The following ST3GAL4 variants were observed in gnomAD, a reference collection of about 807,000 sequenced individuals.
ST3GAL4 encodes CMP-N-acetylneuraminate-beta-galactosamide-alpha-2,3-sialyltransferase 4.
A neutral mutation model predicts 42.6 loss-of-function variants in ST3GAL4; 24 were observed. The observed-to-expected ratio is 0.56, with a 90% CI of 0.41 to 0.79. The LOEUF is 0.79. Ranked by LOEUF, ST3GAL4 falls within the 30% of genes least tolerant of loss-of-function variation. The pLI is 0.00. For missense variants in ST3GAL4, 311 were observed against 430.8 expected (o/e 0.72, Z 2.46); for synonymous variants, 135 against 163.2 (o/e 0.83, Z 1.32).
rs1216917614 is a variant in ST3GAL4 at position 126,378,852 on chromosome 11, T to G, written c.-61+23010T>G. The stretch of plus-strand genomic sequence containing the variant: ...ATGGTTGAGGCTTTCATGGTCATGT[T>G]CAGATTTTATATATGTGTCTCATGT... On this transcript the variant is annotated intron_variant, in intron 1 of 10. Transcript: ENST00000444328. The surrounding 1 kb of genome is among the most constrained non-coding windows in gnomAD (Gnocchi z 5.3). Among the ~76,000 whole-genome samples the G allele has an allele frequency of 6.6e-6, 1 of 152,200 alleles. No individual in the cohort carries two copies. Among genetic ancestry groups the G allele is most frequent in the East Asian group, 1.9e-4 (1 of 5,198 alleles).
At chr11:126,356,058 G>C (rs1952051131) in intron 1 of ST3GAL4, 1 of 152,198 alleles carries the variant, frequency 6.6e-6, no homozygotes, top group East Asian at 1.9e-4. Flanking sequence ...CGGGAAGCCG[G>C]ATCCTCTCCG....
rs1953557643 is a variant in ST3GAL4, at chr11:126,392,509, G to A, written c.-60-13587G>A. 6.6e-6 allele frequency among the ~76,000 whole-genome samples: 1 copy of A among 152,236 alleles called. No individual in the cohort carries two copies. The highest frequency in any genetic ancestry group is 1.5e-5 in the Non-Finnish European group (1 of 68,040). On this transcript the variant is annotated intron_variant, in intron 1 of 10. Coordinates refer to ENST00000444328, the MANE Select transcript of ST3GAL4 (RefSeq NM_001254757.2). This position sits in a 1 kb window ranked among gnomAD's most constrained non-coding sequence, Gnocchi z 5.8. ...AGCTCCCAGTGTGAGCTTCTAGCAA[G>A]CCCCTTGTGCCTTAGATGCCCAGGT...
At chr11:126,364,070 T>C (rs1952345588) in intron 1 of ST3GAL4, among the ~76,000 whole-genome samples, 2 of 152,232 alleles carry the variant, frequency 1.3e-5, no homozygotes, top group Admixed American at 1.3e-4. Context: ...TTGTCCCCCA[T>C]CTCCCAAAAT....
At chr11:126,385,963 G>A (rs565278750) in intron 1 of ST3GAL4, among the ~76,000 whole-genome samples, 8 of 152,088 alleles carry the variant, frequency 5.3e-5, no homozygotes, top group East Asian at 1.9e-4. Context: ...TCTATACCAC[G>A]TGTCCCCGTG....
intron 1 of ST3GAL4, among the ~76,000 whole-genome samples, chr11:126,371,168 T>A (rs1487588023): frequency 4.9e-5 from 5 of 101,322 alleles, no homozygotes; most frequent in Admixed American, 9.9e-5. Flanking sequence ...CATTCCTTTT[T>A]TTTTTTTTTT....
Position 126,406,032 on chromosome 11 carries a change from G to T in ST3GAL4, c.-60-64G>T. ...GAGGGGCAGACAGTGGGTGTGTCCT[G>T]CTCCAGTGTCTAGGCAGGAGAGTTT... On this transcript the variant is annotated intron_variant, in intron 1 of 10. Transcript: ENST00000444328. This position sits in a 1 kb window ranked among gnomAD's most constrained non-coding sequence, Gnocchi z 5.4. The T allele has an allele frequency of 6.5e-7, 1 of 1,534,792 alleles. No homozygotes were observed. Among genetic ancestry groups the T allele is most frequent in the Non-Finnish European group, 8.8e-7 (1 of 1,133,114 alleles).
intron 1 of ST3GAL4, chr11:126,403,522 T>C: frequency 1.1e-6 from 1 of 878,954 alleles, no homozygotes; most frequent in Non-Finnish European, 1.4e-6. Context: ...TCCCTATTCA[T>C]GCCTGGGCCC....
rs1312624325 is a variant in ST3GAL4, at chr11:126,384,466, C to T, written c.-60-21630C>T. Reference sequence around the variant, plus strand: ...ACTGGGTTTGGATAGAGTGTGTCATCTGCAGAGGCAGCACTGTTCTGGAAG... The same window carrying T: ...ACTGGGTTTGGATAGAGTGTGTCATTTGCAGAGGCAGCACTGTTCTGGAAG... On this transcript the variant is annotated intron_variant, in intron 1 of 10. Transcript: ENST00000444328. The surrounding 1 kb of genome is among the most constrained non-coding windows in gnomAD (Gnocchi z 5.5). Among the ~76,000 whole-genome samples, 5 of 152,074 alleles carry T rather than the reference C, an allele frequency of 3.3e-5. No individual in the cohort carries two copies. Among genetic ancestry groups the T allele is most frequent in the Admixed American group, 6.6e-5 (1 of 15,262 alleles).
chr11:126,399,279 A>G (rs931504341), intron 1 of ST3GAL4, among the ~76,000 whole-genome samples: 41 of 145,930 alleles, frequency 2.8e-4, no homozygotes, highest in African/African-American at 9.8e-4. Flanking sequence ...TTTTCATTAT[A>G]AATTTCTTTC....
At chr11:126,404,155 G>C (rs1273585446) in intron 1 of ST3GAL4, among the ~76,000 whole-genome samples, 1 of 152,152 alleles carries the variant, frequency 6.6e-6, no homozygotes, top group African/African-American at 2.4e-5. Flanking sequence ...TAGATGAATC[G>C]CCAGGGTATC....
chr11:126,398,097 A>G lies in ST3GAL4; in HGVS notation c.-60-7999A>G, dbSNP rs1455627559. On this transcript the variant is annotated intron_variant, in intron 1 of 10. Transcript: ENST00000444328. The surrounding 1 kb of genome is among the most constrained non-coding windows in gnomAD (Gnocchi z 4.7). Reference sequence around the variant, plus strand: ...TCTTATTTGTTTCAGCACCACATTAAAAGTCCAAAGTCCACAGTCTCATCT... The same window carrying G: ...TCTTATTTGTTTCAGCACCACATTAGAAGTCCAAAGTCCACAGTCTCATCT... 1.3e-5 allele frequency among the ~76,000 whole-genome samples: 2 copies of G among 152,212 alleles called. No individual in the cohort carries two copies. Among genetic ancestry groups the G allele is most frequent in the East Asian group, 3.9e-4 (2 of 5,188 alleles).
chr11:126,374,454 C>CAAAA (rs869295718), intron 1 of ST3GAL4, among the ~76,000 whole-genome samples: 1 of 63,192 alleles, frequency 1.6e-5, no homozygotes, highest in Non-Finnish European at 3.1e-5. Context: ...ACTTTGTCTC[C>CAAAA]AAAAAAAAAA....
intron 1 of ST3GAL4, among the ~76,000 whole-genome samples, chr11:126,382,430 TG>T (rs1953043024): frequency 6.8e-6 from 1 of 148,094 alleles, no homozygotes; most frequent in Non-Finnish European, 1.5e-5. Context: ...CAGGCTTCCT[TG>T]GGAAGAGCCT....
chr11:126,403,018 C>T (rs1398632346), intron 1 of ST3GAL4, among the ~76,000 whole-genome samples: 2 of 152,216 alleles, frequency 1.3e-5, no homozygotes, highest in African/African-American at 4.8e-5. Context: ...TTGCTCCTGC[C>T]CTTTATGCTC....
chr11:126,361,139 C>T (rs1248886773), intron 1 of ST3GAL4, among the ~76,000 whole-genome samples: 1 of 152,182 alleles, frequency 6.6e-6, no homozygotes, highest in African/African-American at 2.4e-5. Flanking sequence ...AGGTCCTGAC[C>T]TCAGCTCCAA....
chr11:126,404,974 T>G (rs1313953502), intron 1 of ST3GAL4, among the ~76,000 whole-genome samples: 1 of 152,234 alleles, frequency 6.6e-6, no homozygotes, highest in Admixed American at 6.5e-5. Context: ...ATGGAAAGTT[T>G]CCACTGGTGC....
rs1952715989 is a variant in ST3GAL4, at chr11:126,373,096, G to C, written c.-61+17254G>C. 3.3e-5 allele frequency among the ~76,000 whole-genome samples: 5 copies of C among 152,326 alleles called. No homozygotes were observed. The South Asian group carries it at 1.0e-3, about 32-fold the overall frequency. On this transcript the variant is annotated intron_variant, in intron 1 of 10. Transcript: ENST00000444328. This position sits in a 1 kb window ranked among gnomAD's most constrained non-coding sequence, Gnocchi z 5.5. ...TGACTTGTTTAAAGCCTGATGTCTTGAGTACTGTGCACCCCTGTGCCTGGC... is the reference window on the plus strand; with the variant it reads ...TGACTTGTTTAAAGCCTGATGTCTTCAGTACTGTGCACCCCTGTGCCTGGC...
In ST3GAL4 at chr11:126,392,355, G is replaced by A. The variant is rs184998785; in HGVS notation, c.-60-13741G>A. ...ATATGGTGCAGCAGACATGGAGCTG[G>A]TAAGTGGTTAAGATCAGTCGGACAT... On this transcript the variant is annotated intron_variant, in intron 1 of 10. Transcript: ENST00000444328. This position sits in a 1 kb window ranked among gnomAD's most constrained non-coding sequence, Gnocchi z 5.8. 9 of 985,894 alleles carry A rather than the reference G, an allele frequency of 9.1e-6. No homozygotes were observed. The highest frequency in any genetic ancestry group is 1.1e-4 in the East Asian group (1 of 8,818). The allele number at this position is 985,894 out of a possible 1,614,324, so 61.1% of individuals were successfully genotyped here.
chr11:126,405,345 C>T (rs1365663718), intron 1 of ST3GAL4, among the ~76,000 whole-genome samples: 2 of 152,238 alleles, frequency 1.3e-5, no homozygotes, highest in Non-Finnish European at 2.9e-5. Flanking sequence ...ATGCACAGTC[C>T]TCACCTTACT....
Sources: allele counts gnomAD v4.1 joint callset (sites outside exome capture counted in the v4.1 genomes callset), GRCh38; gene constraint gnomAD v4.1.1; non-coding constraint Gnocchi (gnomAD v3.1); transcripts MANE v1.5; gene names NCBI Gene and HGNC (gene_info 2026-07-23, HGNC 2026-07-21).